GOLGA5: variants seen among roughly 807,000 people sequenced by gnomAD.
The protein encoded by GOLGA5 is golgin A5, also known as golgin subfamily A member 5.
A neutral mutation model predicts 93.5 loss-of-function variants in GOLGA5; 50 were observed. The ratio of observed to expected loss-of-function variants is 0.53; its 90% CI spans 0.43 to 0.68. GOLGA5 has a LOEUF of 0.68. GOLGA5 is among the 30% of genes least tolerant of loss of function. The probability of loss-of-function intolerance (pLI) is 0.00; values close to 1 mark genes in which losing one functional copy is unlikely to be tolerated. For missense variants in GOLGA5, 760 were observed against 856.4 expected (o/e 0.89, Z 1.40); for synonymous variants, 312 against 304.5 (o/e 1.02, Z -0.26).
At chr14:92,802,721 C>CAAATCAATTTATTTATTTTTAAT in intron 2 of GOLGA5, among the ~76,000 whole-genome samples, 1 of 148,934 alleles carries the variant, frequency 6.7e-6, no homozygotes, top group Non-Finnish European at 1.5e-5. Flanking sequence ...ATATAGTATA[C>CAAATCAATTTATTTATTTTTAAT]AAATCAATTT....
In GOLGA5 at chr14:92,824,582, A is replaced by G. The variant is rs1184853472; in HGVS notation, c.1657A>G (p.Lys553Glu). The G allele has an allele frequency of 1.2e-6, 2 of 1,606,170 alleles. No individual in the cohort carries two copies. The highest frequency in any genetic ancestry group is 1.1e-5 in the South Asian group (1 of 90,432). ...TATAGAAGAAGATCTTTATCGAACA[A>G]AGAACACATTGCAAAGCAGAATTAA... Reference protein sequence around the residue: ...HYIEEDLYRTKNTLQSRIKDR... With the variant: ...HYIEEDLYRTENTLQSRIKDR... The change falls in exon 9 of 13, where the codon AAG becomes GAG. Residue 553 changes from lysine (K) to glutamate (E), a missense_variant. Transcript: ENST00000163416.
At chr14:92,808,462 C>T (rs78567925) in intron 3 of GOLGA5, among the ~76,000 whole-genome samples, 9,642 of 152,024 alleles carry the variant, frequency 0.063, 366 homozygotes, top group Middle Eastern at 0.12. Flanking sequence ...AGTGAGACCC[C>T]TGGGCTACAA....
chr14:92,825,976 G>A (rs1446456530), intron 9 of GOLGA5, among the ~76,000 whole-genome samples: 1 of 151,582 alleles, frequency 6.6e-6, no homozygotes. Context: ...GCAACATAGC[G>A]AGACCATCAT....
chr14:92,835,539 T>A lies in GOLGA5; in HGVS notation c.1946-20T>A. ...TTAATTTTTATGTCAGTACACTAATTTATTTTCTTATTTAAACAGGCACTC... is the reference window on the plus strand; with the variant it reads ...TTAATTTTTATGTCAGTACACTAATATATTTTCTTATTTAAACAGGCACTC... On this transcript the variant is annotated intron_variant, in intron 10 of 12. Transcript: ENST00000163416. 6.7e-7 allele frequency: 1 copy of A among 1,499,312 alleles called. No individual in the cohort carries two copies. The highest frequency in any genetic ancestry group is 9.3e-7 in the Non-Finnish European group (1 of 1,076,278). The allele number at this position is 1,499,312 out of a possible 1,614,324, so 92.9% of individuals were successfully genotyped here.
intron 2 of GOLGA5, among the ~76,000 whole-genome samples, chr14:92,799,041 G>A (rs1244367275): frequency 2.0e-5 from 3 of 151,938 alleles, no homozygotes; most frequent in African/African-American, 4.8e-5. Context: ...ATCACAGCTC[G>A]CACTACCTTT....
chr14:92,824,236 G>A (rs1482162657), intron 8 of GOLGA5, among the ~76,000 whole-genome samples: 2 of 152,058 alleles, frequency 1.3e-5, no homozygotes, highest in African/African-American at 4.8e-5. Flanking sequence ...TTCTTGAAGA[G>A]ATTATCCATT....
intron 9 of GOLGA5, among the ~76,000 whole-genome samples, chr14:92,829,282 T>C (rs975201268): frequency 6.6e-6 from 1 of 152,118 alleles, no homozygotes; most frequent in Non-Finnish European, 1.5e-5. Context: ...ACTTAAGACA[T>C]ACTTTTTATA....
chr14:92,800,359 A>G (rs1163748576), intron 2 of GOLGA5, among the ~76,000 whole-genome samples: 1 of 152,236 alleles, frequency 6.6e-6, no homozygotes, highest in African/African-American at 2.4e-5. Flanking sequence ...GGAGTTTGCC[A>G]GGTAAAAAGT....
intron 8 of GOLGA5, among the ~76,000 whole-genome samples, chr14:92,820,163 A>C (rs1291082085): frequency 2.6e-5 from 4 of 152,234 alleles, no homozygotes; most frequent in Non-Finnish European, 5.9e-5. Context: ...GTATTTATTG[A>C]TCACTGTTTT....
chr14:92,816,162 T>C, intron 6 of GOLGA5, 89 bp from the exon 7 acceptor site: 1 of 850,526 alleles, frequency 1.2e-6, no homozygotes, highest in Non-Finnish European at 1.9e-6. Flanking sequence ...TGGAATTTTT[T>C]TTAGTGGGTT....
At chr14:92,802,857 C>G (rs1884903265) in intron 2 of GOLGA5, among the ~76,000 whole-genome samples, 3 of 151,808 alleles carry the variant, frequency 2.0e-5, no homozygotes, top group Non-Finnish European at 4.4e-5. Context: ...CCCCAAACTC[C>G]TGGCTCAAGT....
intron 9 of GOLGA5, among the ~76,000 whole-genome samples, chr14:92,828,563 T>C (rs1039696878): frequency 2.0e-5 from 3 of 152,236 alleles, no homozygotes; most frequent in African/African-American, 7.2e-5. Context: ...ACATTTTTGT[T>C]TCATCCATTG....
intron 9 of GOLGA5, among the ~76,000 whole-genome samples, chr14:92,832,786 A>G (rs183414700): frequency 2.6e-5 from 4 of 152,360 alleles, no homozygotes; most frequent in African/African-American, 7.2e-5. Context: ...CCTCAGTGAG[A>G]AAAACAGTTT....
At chr14:92,820,661 A>G (rs1326404247) in intron 8 of GOLGA5, among the ~76,000 whole-genome samples, 6 of 152,184 alleles carry the variant, frequency 3.9e-5, no homozygotes, top group Non-Finnish European at 8.8e-5. Flanking sequence ...CCGGCTTTCC[A>G]GGGCAGAGGT....
intron 7 of GOLGA5, among the ~76,000 whole-genome samples, chr14:92,817,864 C>T (rs1201963837): frequency 6.6e-6 from 1 of 152,212 alleles, no homozygotes; most frequent in Non-Finnish European, 1.5e-5. Flanking sequence ...TTAATTTTCT[C>T]ATCTATAGAA....
chr14:92,838,840 A>G (rs1355059957), intron 12 of GOLGA5, among the ~76,000 whole-genome samples: 1 of 152,110 alleles, frequency 6.6e-6, no homozygotes, highest in Admixed American at 6.6e-5. Context: ...GGCACACGAC[A>G]AAGTGGTGAG....
At chr14:92,830,240 C>T (rs1885501966) in intron 9 of GOLGA5, among the ~76,000 whole-genome samples, 1 of 152,288 alleles carries the variant, frequency 6.6e-6, no homozygotes, top group South Asian at 2.1e-4. Flanking sequence ...ATTGCTTGAA[C>T]CTGGGAGGCG....
intron 2 of GOLGA5, among the ~76,000 whole-genome samples, chr14:92,801,367 ATAT>A (rs1296446629): frequency 1.3e-5 from 2 of 151,962 alleles, no homozygotes; most frequent in Admixed American, 6.6e-5. Context: ...TTTGTCGTTG[ATAT>A]TATTTCCTTC....
rs113845810 is a variant in GOLGA5 at position 92,838,477 on chromosome 14, C to T, written c.2116-889C>T. ...CCACCTCCCAGGTTCAAGCGATTCTCCTGCCTCAGCCTGCCGAGTACCTGG... is the reference window on the plus strand; with the variant it reads ...CCACCTCCCAGGTTCAAGCGATTCTTCTGCCTCAGCCTGCCGAGTACCTGG... On this transcript the variant is annotated intron_variant, in intron 12 of 12. Coordinates refer to ENST00000163416, the MANE Select transcript of GOLGA5 (RefSeq NM_005113.4). Among the ~76,000 whole-genome samples, 1,027 of 152,204 alleles carry T rather than the reference C, an allele frequency of 6.7e-3. 1 individual carries two copies. Among genetic ancestry groups the T allele is most frequent in the Non-Finnish European group, 0.012 (793 of 67,996 alleles).
Sources: gnomAD v4.1 joint callset for allele counts (sites outside exome capture counted in the v4.1 genomes callset) on GRCh38, gnomAD v4.1.1 for gene constraint, MANE v1.5 for transcripts, NCBI Gene and HGNC (gene_info 2026-07-23, HGNC 2026-07-21) for gene names.